The following CLASP2 variants were observed in gnomAD, a reference collection of about 807,000 sequenced individuals.
CLASP2 encodes the protein CLIP-associating protein 2.
Under a neutral mutation model 194.4 loss-of-function variants are expected in CLASP2, and 47 were observed. The ratio of observed to expected loss-of-function variants is 0.24; its 90% confidence interval spans 0.19 to 0.31. CLASP2 has a LOEUF of 0.31. Among genes scored for constraint, CLASP2 ranks in the 10% least tolerant of loss-of-function variants. The probability of loss-of-function intolerance (pLI) is 1.00; values close to 1 mark genes in which losing one functional copy is unlikely to be tolerated. For missense variants in CLASP2, 1,445 were observed against 1,823.6 expected (o/e 0.79, Z 3.78); for synonymous variants, 619 against 633.5 (o/e 0.98, Z 0.34).
Position 33,573,299 on chromosome 3 carries a change from G to T in CLASP2, c.2510C>A (p.Ala837Asp). Reference sequence around the variant, plus strand: ...ACAAGCACTAGATGCATCGCTGTTGGCGTCATCATCTGAATGCATTCCATA... The same window carrying T: ...ACAAGCACTAGATGCATCGCTGTTGTCGTCATCATCTGAATGCATTCCATA... ...ESYGMHSDDD[A>D]NSDASSACSE... Residue 837 changes from alanine (A) to aspartate (D), a missense_variant, in exon 25 of 39, where the codon GCC (alanine) becomes GAC (aspartate). Transcript: ENST00000682230. 2 of 1,613,796 alleles carry T rather than the reference G, an allele frequency of 1.2e-6. No individual in the cohort carries two copies. Among genetic ancestry groups the T allele is most frequent in the Non-Finnish European group, 1.7e-6 (2 of 1,179,776 alleles).
intron 23 of CLASP2, chr3:33,577,234 G>A: frequency 1.3e-6 from 2 of 1,597,984 alleles, no homozygotes; most frequent in South Asian, 1.1e-5. Context: ...GGCGTAGAGG[G>A]CACCAGTTGA....
chr3:33,661,823 A>C (rs2085352645), intron 7 of CLASP2, among the ~76,000 whole-genome samples: 1 of 152,210 alleles, frequency 6.6e-6, no homozygotes, highest in Non-Finnish European at 1.5e-5. Flanking sequence ...ATCACTAAGA[A>C]AGAGAGAATA....
intron 8 of CLASP2, chr3:33,644,479 A>T: frequency 2.5e-6 from 1 of 398,608 alleles, no homozygotes; most frequent in Non-Finnish European, 4.6e-6. Flanking sequence ...AAACAAAAAA[A>T]CCCCAAAAAA....
At chr3:33,652,604 C>T (rs1003465858) in intron 7 of CLASP2, among the ~76,000 whole-genome samples, 2 of 152,186 alleles carry the variant, frequency 1.3e-5, no homozygotes, top group East Asian at 1.9e-4. Context: ...TCATTCTCAA[C>T]GGTTTTAAAT....
At chr3:33,593,506 T>C (rs1032167310) in intron 20 of CLASP2, among the ~76,000 whole-genome samples, 1 of 152,122 alleles carries the variant, frequency 6.6e-6, no homozygotes, top group South Asian at 2.1e-4. Flanking sequence ...AATAAGGAGA[T>C]ATTACAAAAT....
intron 37 of CLASP2, among the ~76,000 whole-genome samples, chr3:33,510,209 G>A (rs183617880): frequency 1.3e-5 from 2 of 152,232 alleles, no homozygotes; most frequent in Admixed American, 6.5e-5. Context: ...CCAGGTGCTG[G>A]GGGGGATGAA....
chr3:33,667,352 T>C (rs1265518337), intron 6 of CLASP2, among the ~76,000 whole-genome samples: 1 of 133,354 alleles, frequency 7.5e-6, no homozygotes, highest in African/African-American at 3.0e-5. Flanking sequence ...GAGGGTGCAG[T>C]GAGCCGAGAT....
chr3:33,688,434 T>G, intron 3 of CLASP2, 66 bp from the exon 4 acceptor site: 1 of 1,164,360 alleles, frequency 8.6e-7, no homozygotes, highest in Non-Finnish European at 1.2e-6. Flanking sequence ...ATCTTTTATT[T>G]CTTCCCAATC....
intron 7 of CLASP2, among the ~76,000 whole-genome samples, chr3:33,662,628 A>C (rs1382111266): frequency 2.0e-5 from 3 of 152,196 alleles, no homozygotes; most frequent in Non-Finnish European, 4.4e-5. Context: ...TTATATTAGT[A>C]ACTAGTTTTC....
In CLASP2 at chr3:33,632,281, G is replaced by A. The variant is rs368367056; in HGVS notation, c.942+11C>T. The A allele has an allele frequency of 5.7e-6, 9 of 1,573,078 alleles. No individual in the cohort carries two copies. The highest frequency in any genetic ancestry group is 7.8e-6 in the Non-Finnish European group (9 of 1,156,760). On this transcript the variant is annotated intron_variant, in intron 9 of 38. Transcript: ENST00000682230. ...GGCAATATTCACGGGGAGTGCCACT[G>A]GTAGCCTTACCTGAATAGAAGGGAC...
intron 7 of CLASP2, among the ~76,000 whole-genome samples, chr3:33,646,770 A>T (rs908519525): frequency 1.3e-5 from 2 of 152,188 alleles, no homozygotes; most frequent in African/African-American, 4.8e-5. Context: ...ACAGCTAATT[A>T]ATTTTCACAA....
At chr3:33,700,333 A>C (rs191749699) in intron 1 of CLASP2, among the ~76,000 whole-genome samples, 65 of 152,224 alleles carry the variant, frequency 4.3e-4, no homozygotes, top group Admixed American at 9.2e-4. Flanking sequence ...AGGCTGAGGC[A>C]CGAGAATCAT....
At chr3:33,524,812 A>T (rs1385924964) in intron 34 of CLASP2, among the ~76,000 whole-genome samples, 1 of 152,242 alleles carries the variant, frequency 6.6e-6, no homozygotes, top group Non-Finnish European at 1.5e-5. Context: ...ATGACAGACC[A>T]TCAAAATATA....
At chr3:33,649,204 C>T (rs1228619838) in intron 7 of CLASP2, among the ~76,000 whole-genome samples, 1 of 152,206 alleles carries the variant, frequency 6.6e-6, no homozygotes, top group Non-Finnish European at 1.5e-5. Flanking sequence ...TCATCTGCTG[C>T]CTTCTCAAAG....
chr3:33,626,734 G>A (rs932347584), intron 10 of CLASP2, among the ~76,000 whole-genome samples: 3 of 152,060 alleles, frequency 2.0e-5, no homozygotes, highest in African/African-American at 7.2e-5. Context: ...TTACTAACCA[G>A]TCAAAAACAG....
At chr3:33,511,029 TA>T (rs1352037041) in intron 36 of CLASP2, among the ~76,000 whole-genome samples, 2,667 of 122,868 alleles carry the variant, frequency 0.022, 74 homozygotes, top group African/African-American at 0.061. Flanking sequence ...TTGGCTAAAG[TA>T]TTTTTTTTTT....
At chr3:33,672,699 A>G (rs544144687) in intron 6 of CLASP2, among the ~76,000 whole-genome samples, 1 of 152,334 alleles carries the variant, frequency 6.6e-6, no homozygotes, top group Admixed American at 6.5e-5. Flanking sequence ...TTTGAAAAAA[A>G]TTTAGATGAA....
intron 20 of CLASP2, 105 bp downstream of exon 20, chr3:33,594,846 G>C: frequency 1.8e-6 from 1 of 547,432 alleles, no homozygotes; most frequent in Admixed American, 4.4e-5. Context: ...AAATTATAAA[G>C]AGTTGCAAAG....
Position 33,573,279 on chromosome 3 carries a change from C to A in CLASP2, c.2530G>T (p.Ala844Ser). 1 of 1,613,880 alleles carries A rather than the reference C, an allele frequency of 6.2e-7. No individual in the cohort carries two copies. Among genetic ancestry groups the A allele is most frequent in the Non-Finnish European group, 8.5e-7 (1 of 1,179,820 alleles). Residue 844 changes from alanine (A) to serine (S), a missense_variant, in exon 25 of 39, where the codon GCT (alanine) becomes TCT (serine). Transcript: ENST00000682230. ...GAACTATAGGAGCGTTCTGAACAAG[C>A]ACTAGATGCATCGCTGTTGGCGTCA... ...DDDANSDASSACSERSYSSRN... is the reference protein window; with the variant it reads ...DDDANSDASSSCSERSYSSRN...
Sources: allele counts gnomAD v4.1 joint callset (sites outside exome capture counted in the v4.1 genomes callset), GRCh38; gene constraint gnomAD v4.1.1; transcripts MANE v1.5; gene names NCBI Gene and HGNC (gene_info 2026-07-23, HGNC 2026-07-21).